WDR62: variants seen among roughly 807,000 people sequenced by gnomAD.
The protein encoded by WDR62 is WD repeat domain 62, also known as WD repeat-containing protein 62.
Under a neutral mutation model 160.6 loss-of-function variants are expected in WDR62, and 112 were observed. The observed-to-expected ratio is 0.70, with a 90% CI of 0.60 to 0.82. The LOEUF is 0.82. WDR62 is among the 40% of genes least tolerant of loss of function. WDR62 has a pLI of 0.00. For synonymous variants in WDR62, 792 were observed against 815.1 expected, an observed-to-expected ratio of 0.97 and a Z score of 0.48; for missense variants, 1,819 against 1,983.8, an observed-to-expected ratio of 0.92 and a Z score of 1.58.
chr19:36,093,637 C>A (rs920265359), intron 19 of WDR62, among the ~76,000 whole-genome samples: 2 of 152,120 alleles, frequency 1.3e-5, no homozygotes. Context: ...CACTCCACCC[C>A]CAAGCTATGA....
In WDR62 at chr19:36,091,184, G is replaced by A. The variant is rs1312089898; in HGVS notation, c.2035-16G>A. On this transcript the variant is annotated splice_polypyrimidine_tract_variant and intron_variant, in intron 16 of 31. Coordinates refer to ENST00000401500, the MANE Select transcript of WDR62 (RefSeq NM_001083961.2). ...AGCAGGCAGCTGGAGTGACATGTGG[G>A]TCCCTTTCCTGGCAGGTCCATGTGG... is the stretch of plus-strand genomic sequence containing the variant. 1.2e-6 allele frequency: 2 copies of A among 1,608,898 alleles called. No homozygotes were observed. The highest frequency in any genetic ancestry group is 1.7e-6 in the Non-Finnish European group (2 of 1,177,170).
chr19:36,055,127 C>T lies in WDR62; in HGVS notation c.156C>T (p.Ser52=), dbSNP rs398123559. The change falls in exon 1 of 32, where the codon TCC becomes TCT. Residue 52 remains serine, a synonymous_variant. Coordinates refer to ENST00000401500, the MANE Select transcript of WDR62 (RefSeq NM_001083961.2). ...GGCGGACGCGACTCTCGACGGCCTC[C>T]GAGGAGACGGTGCAGAACCGGGTGA... The part of the protein sequence containing the change: ...LRRRTRLSTA[S]EETVQNRVSL... The T allele has an allele frequency of 6.2e-6, 10 of 1,608,116 alleles. No homozygotes were observed. The highest frequency in any genetic ancestry group is 8.5e-6 in the Non-Finnish European group (10 of 1,178,362).
chr19:36,067,054 G>A (rs1288187284), intron 5 of WDR62, among the ~76,000 whole-genome samples: 1 of 152,210 alleles, frequency 6.6e-6, no homozygotes, highest in Non-Finnish European at 1.5e-5. Flanking sequence ...GGGCTGCAGA[G>A]CTTAGACCCT....
chr19:36,099,301 A>T, intron 21 of WDR62, 98 bp from the exon 22 acceptor site: 1 of 942,988 alleles, frequency 1.1e-6, no homozygotes, highest in Non-Finnish European at 1.7e-6. Flanking sequence ...AATGGTATTG[A>T]AAGCCAAGAG....
At chr19:36,069,595 C>T (rs1052462145) in intron 7 of WDR62, among the ~76,000 whole-genome samples, 1 of 152,100 alleles carries the variant, frequency 6.6e-6, no homozygotes, top group Non-Finnish European at 1.5e-5. Context: ...GGGTGGCGGC[C>T]GGGCAGAGGC....
intron 18 of WDR62, among the ~76,000 whole-genome samples, chr19:36,092,410 C>G (rs934452603): frequency 6.6e-5 from 10 of 152,156 alleles, no homozygotes; most frequent in African/African-American, 2.4e-4. Context: ...CCTTTTGTCA[C>G]TCCCTTTGAT....
chr19:36,075,562 C>T (rs2145658358), intron 9 of WDR62: 1 of 152,342 alleles, frequency 6.6e-6, no homozygotes, highest in East Asian at 1.9e-4. Context: ...TCTCCTGCCT[C>T]AGCCTCCCGA....
intron 7 of WDR62, chr19:36,070,338 T>C (rs918223526): frequency 1.3e-5 from 2 of 152,038 alleles, no homozygotes. Flanking sequence ...TTTGTATTTT[T>C]AGTAGAGACA....
chr19:36,104,123 C>T, intron 30 of WDR62, 142 bp downstream of exon 30: 2 of 1,151,094 alleles, frequency 1.7e-6, no homozygotes, highest in Admixed American at 2.0e-5. Flanking sequence ...ATTTAATGAG[C>T]ATTACATGTT....
intron 1 of WDR62, among the ~76,000 whole-genome samples, chr19:36,056,714 C>T (rs909374886): frequency 5.9e-5 from 9 of 152,164 alleles, no homozygotes; most frequent in African/African-American, 2.2e-4. Flanking sequence ...TGGCTAAGAG[C>T]ACAGACTGCT....
chr19:36,064,053 C>G (rs1970803308), intron 3 of WDR62, among the ~76,000 whole-genome samples: 1 of 152,132 alleles, frequency 6.6e-6, no homozygotes, highest in South Asian at 2.1e-4. Context: ...CATGAGAGCC[C>G]TGACTCCATG....
At chr19:36,057,993 A>T (rs1970451994) in intron 1 of WDR62, among the ~76,000 whole-genome samples, 2 of 152,166 alleles carry the variant, frequency 1.3e-5, no homozygotes, top group African/African-American at 4.8e-5. Context: ...TTACCTGTAA[A>T]ACAGGGGTGA....
At position 36,081,531 on chromosome 19, in the gene WDR62, C is replaced by T. The variant is rs1316041217; in HGVS notation, c.1332C>T (p.Ser444=). The change falls in exon 10 of 32, where the codon AGC becomes AGT. Residue 444 remains serine, a synonymous_variant. Transcript: ENST00000401500. ...CCATTCGCTTCTGGAACTTGGACAG[C>T]AGCCCTGATTCTCACTGGCAGAAAA... ...DNTIRFWNLD[S]SPDSHWQKNI... 1 of 1,614,186 alleles carries T rather than the reference C, an allele frequency of 6.2e-7. No individual in the cohort carries two copies. Among genetic ancestry groups the T allele is most frequent in the African/African-American group, 1.3e-5 (1 of 75,048 alleles).
chr19:36,058,554 C>T (rs1015659733), intron 1 of WDR62, among the ~76,000 whole-genome samples: 1 of 152,222 alleles, frequency 6.6e-6, no homozygotes, highest in Admixed American at 6.5e-5. Flanking sequence ...GTGAGCCCCC[C>T]GAGGGCAGGG....
At chr19:36,073,114 C>G (rs957894756) in intron 8 of WDR62, among the ~76,000 whole-genome samples, 12 of 152,152 alleles carry the variant, frequency 7.9e-5, no homozygotes, top group Non-Finnish European at 1.3e-4. Context: ...GAATCAAAAA[C>G]TCAATTGCTC....
Position 36,073,384 on chromosome 19 carries a change from A to G in WDR62, c.1086A>G (p.Thr362=), listed in dbSNP as rs755213330. The change falls in exon 9 of 32, where the codon ACA becomes ACG. Residue 362 remains threonine (T), a synonymous_variant. Transcript: ENST00000401500. ...AGGCGGAAGCAGTCTACCCAGATAC[A>G]GTGGCACTGACCTTCGACCCCATCC... ...HRKAEAVYPD[T]VALTFDPIHQ... 3 of 1,614,188 alleles carry G rather than the reference A, an allele frequency of 1.9e-6. No homozygotes were observed. Among genetic ancestry groups the G allele is most frequent in the Non-Finnish European group, 2.5e-6 (3 of 1,180,028 alleles).
intron 7 of WDR62, 22 bp from the exon 8 acceptor site, chr19:36,071,533 TG>T: frequency 1.2e-6 from 2 of 1,614,202 alleles, no homozygotes; most frequent in South Asian, 2.2e-5. Flanking sequence ...CCAAATCCAC[TG>T]GGGTCCCTTT....
chr19:36,084,734 G>T lies in WDR62; in HGVS notation c.1632G>T (p.Lys544Asn). Residue 544 changes from lysine to asparagine, a missense_variant, in exon 12 of 32, where the codon AAG becomes AAT. Around this residue, in one of 3 missense-constraint regions of WDR62, gnomAD observed 934 missense variants for 1,157.2 expected, o/e 0.81. Coordinates refer to ENST00000401500, the MANE Select transcript of WDR62 (RefSeq NM_001083961.2). The part of the protein sequence containing the change: ...DAEVLCLEYS[K>N]PETGLTLLAS... ...AGGTGCTGTGCCTGGAGTACTCCAA[G>T]CCAGAGACGGGTGAGCCCGCAGCAG... The T allele has an allele frequency of 6.2e-7, 1 of 1,613,478 alleles. No homozygotes were observed.
chr19:36,093,609 T>C (rs1972771077), intron 19 of WDR62, among the ~76,000 whole-genome samples: 1 of 152,078 alleles, frequency 6.6e-6, no homozygotes, highest in African/African-American at 2.4e-5. Context: ...GTTAGAGATA[T>C]CTTGCTTTTG....
Sources: gnomAD v4.1 joint callset for allele counts (sites outside exome capture counted in the v4.1 genomes callset) on GRCh38, gnomAD v4.1.1 for gene constraint, gnomAD v4.1.1 regional missense constraint, MANE v1.5 for transcripts, NCBI Gene and HGNC (gene_info 2026-07-23, HGNC 2026-07-21) for gene names.